The following RFTN1 variants were observed in gnomAD, a reference collection of about 807,000 sequenced individuals.
RFTN1 encodes the protein raftlin.
In RFTN1, 26 loss-of-function variants were observed where a neutral mutation model predicts 46.5. The ratio of observed to expected loss-of-function variants is 0.56; its 90% CI spans 0.41 to 0.78. The LOEUF is 0.78. Among genes scored for constraint, RFTN1 ranks in the 30% least tolerant of loss-of-function variants. The probability of loss-of-function intolerance (pLI) is 0.00; values close to 1 mark genes in which losing one functional copy is unlikely to be tolerated. For missense variants in RFTN1, 693 were observed against 718.7 expected (o/e 0.96, Z 0.41); for synonymous variants, 261 against 284.2 (o/e 0.92, Z 0.82).
rs1014367335 is a variant in RFTN1, at chr3:16,336,592, C to T, written c.1147-9716G>A. ...TTTTGCTGATATGTAATCAGGACAA[C>T]ATAATAGAGTCTGAGAGAGCAGTCT... On this transcript the variant is annotated intron_variant, in intron 7 of 9. Transcript: ENST00000334133. This position sits in a 1 kb window ranked among gnomAD's most constrained non-coding sequence, Gnocchi z 6.0. Among the ~76,000 whole-genome samples, 1 of 152,180 alleles carries T rather than the reference C, an allele frequency of 6.6e-6. No homozygotes were observed. The highest frequency in any genetic ancestry group is 6.5e-5 in the Admixed American group (1 of 15,284).
At chr3:16,445,466 T>TTCTC (rs374357758) in intron 2 of RFTN1, among the ~76,000 whole-genome samples, 3,119 of 116,026 alleles carry the variant, frequency 0.027, 61 homozygotes, top group Middle Eastern at 0.078. Flanking sequence ...CTTTCTCTCT[T>TTCTC]TCTCTCTCTC....
chr3:16,350,986 A>C (rs1210059175), intron 7 of RFTN1, among the ~76,000 whole-genome samples: 2 of 152,134 alleles, frequency 1.3e-5, no homozygotes, highest in Non-Finnish European at 2.9e-5. Flanking sequence ...GATGGTTGGG[A>C]GCCTTTGAAA....
chr3:16,360,456 T>C (rs777654995), intron 6 of RFTN1, among the ~76,000 whole-genome samples: 24 of 152,246 alleles, frequency 1.6e-4, no homozygotes, highest in Admixed American at 4.6e-4. Flanking sequence ...TCAACTTCTT[T>C]TTTATTTAGC....
Position 16,442,433 on chromosome 3 carries a change from A to G in RFTN1, c.146-8396T>C, listed in dbSNP as rs1288738102. On this transcript the variant is annotated intron_variant, in intron 2 of 9. Coordinates refer to ENST00000334133, the MANE Select transcript of RFTN1 (RefSeq NM_015150.2). This position sits in a 1 kb window ranked among gnomAD's most constrained non-coding sequence, Gnocchi z 4.1. Reference sequence around the variant, plus strand: ...TAACATGCTTTCACAAAAAAAAACTATTCTTTTTTTAAATTTTAATGGATT... The same window carrying G: ...TAACATGCTTTCACAAAAAAAAACTGTTCTTTTTTTAAATTTTAATGGATT... Among the ~76,000 whole-genome samples the G allele has an allele frequency of 6.6e-6, 1 of 152,088 alleles. No individual in the cohort carries two copies.
rs1211859282 is a variant in RFTN1, at chr3:16,338,155, C to T, written c.1147-11279G>A. ...CTGGTACATGCGGTTTCTCTAACGTCAGTTACTTGGAAGGCAGAAAGAAGA... is the reference window on the plus strand; with the variant it reads ...CTGGTACATGCGGTTTCTCTAACGTTAGTTACTTGGAAGGCAGAAAGAAGA... On this transcript the variant is annotated intron_variant, in intron 7 of 9. Transcript: ENST00000334133. This position sits in a 1 kb window ranked among gnomAD's most constrained non-coding sequence, Gnocchi z 5.3. Among the ~76,000 whole-genome samples the T allele has an allele frequency of 6.6e-6, 1 of 152,204 alleles. No homozygotes were observed. Among genetic ancestry groups the T allele is most frequent in the African/African-American group, 2.4e-5 (1 of 41,440 alleles).
intron 1 of RFTN1, among the ~76,000 whole-genome samples, chr3:16,495,275 C>T (rs1488974320): frequency 2.6e-5 from 4 of 152,234 alleles, no homozygotes; most frequent in Admixed American, 1.3e-4. Flanking sequence ...TGCTGAAAAG[C>T]AAGCCGGCTG....
At position 16,457,988 on chromosome 3, in the gene RFTN1, G is replaced by C. The variant is rs148753688; in HGVS notation, c.146-23951C>G. ...GAGGACACAGCATTCCACCCCTCTG[G>C]AGGATGCAAAAACAAGTCACTATCT... On this transcript the variant is annotated intron_variant, in intron 2 of 9. Transcript: ENST00000334133. The surrounding 1 kb of genome is among the most constrained non-coding windows in gnomAD (Gnocchi z 4.2). 1.1e-4 allele frequency among the ~76,000 whole-genome samples: 17 copies of C among 152,182 alleles called. No individual in the cohort carries two copies. The East Asian group carries it at 3.1e-3, about 28-fold the overall frequency.
chr3:16,453,367 T>A (rs971462821), intron 2 of RFTN1, among the ~76,000 whole-genome samples: 2 of 152,202 alleles, frequency 1.3e-5, no homozygotes, highest in African/African-American at 4.8e-5. Context: ...CACCCTCAGA[T>A]CCCAATCCTA....
chr3:16,446,835 T>C lies in RFTN1; in HGVS notation c.146-12798A>G, dbSNP rs1372366459. Among the ~76,000 whole-genome samples the C allele has an allele frequency of 6.6e-6, 1 of 152,196 alleles. No homozygotes were observed. Among genetic ancestry groups the C allele is most frequent in the Non-Finnish European group, 1.5e-5 (1 of 68,028 alleles). On this transcript the variant is annotated intron_variant, in intron 2 of 9. Transcript: ENST00000334133. The surrounding 1 kb of genome is among the most constrained non-coding windows in gnomAD (Gnocchi z 4.5). ...TTCTTTTTCTCCTGAGTTATTATCATCAAGGTCTCGACTCTGTAACAAAAT... is the reference window on the plus strand; with the variant it reads ...TTCTTTTTCTCCTGAGTTATTATCACCAAGGTCTCGACTCTGTAACAAAAT...
At position 16,433,993 on chromosome 3, in the gene RFTN1, C is replaced by T; in HGVS notation, c.190G>A (p.Asp64Asn). The T allele has an allele frequency of 2.5e-6, 4 of 1,612,734 alleles. No homozygotes were observed. The highest frequency in any genetic ancestry group is 3.4e-6 in the Non-Finnish European group (4 of 1,179,532). Residue 64 changes from aspartate (D) to asparagine (N), a missense_variant, in exon 3 of 10, where the codon GAC (aspartate) becomes AAC (asparagine). Physicochemically the swap from Asp to Asn is conservative, Grantham distance 23 (BLOSUM62 1). Transcript: ENST00000334133. The surrounding 1 kb of genome is among the most constrained non-coding windows in gnomAD (Gnocchi z 4.4). ...AGCTCCAGGAGCTGGGCGGGCAGGT[C>T]ACGCAGGGAGGCCAGCCTCACTGCT... ...SSAVRLASLR[D>N]LPAQLLELYQ...
At chr3:16,503,353 A>G (rs923032948) in intron 1 of RFTN1, among the ~76,000 whole-genome samples, 14 of 152,214 alleles carry the variant, frequency 9.2e-5, no homozygotes, top group African/African-American at 3.4e-4. Context: ...TTTGACTCAC[A>G]GTACAGTTTG....
Position 16,348,308 on chromosome 3 carries a change from T to C in RFTN1, c.1146+9624A>G, listed in dbSNP as rs898862186. ...CGTCTAGGAGATCACCCACATTATC[T>C]ATTATTGAAGGCATCTAGGAGATCA... is the stretch of plus-strand genomic sequence containing the variant. On this transcript the variant is annotated intron_variant, in intron 7 of 9. Transcript: ENST00000334133. This position sits in a 1 kb window ranked among gnomAD's most constrained non-coding sequence, Gnocchi z 6.3. Among the ~76,000 whole-genome samples, 1 of 152,022 alleles carries C rather than the reference T, an allele frequency of 6.6e-6. No homozygotes were observed. Among genetic ancestry groups the C allele is most frequent in the African/African-American group, 2.4e-5 (1 of 41,388 alleles).
rs952339410 is a variant in RFTN1 at position 16,338,251 on chromosome 3, C to T, written c.1147-11375G>A. Among the ~76,000 whole-genome samples, 3 of 152,222 alleles carry T rather than the reference C, an allele frequency of 2.0e-5. No individual in the cohort carries two copies. The highest frequency in any genetic ancestry group is 7.2e-5 in the African/African-American group (3 of 41,456). ...TATCAGGGGTGTCTGCCCACACACACCTGCATGAGCAGAATGAGAACCAGG... is the reference window on the plus strand; with the variant it reads ...TATCAGGGGTGTCTGCCCACACACATCTGCATGAGCAGAATGAGAACCAGG... On this transcript the variant is annotated intron_variant, in intron 7 of 9. Coordinates refer to ENST00000334133, the MANE Select transcript of RFTN1 (RefSeq NM_015150.2). This position sits in a 1 kb window ranked among gnomAD's most constrained non-coding sequence, Gnocchi z 5.3.
chr3:16,430,839 C>T (rs2075370634), intron 3 of RFTN1, among the ~76,000 whole-genome samples: 1 of 152,200 alleles, frequency 6.6e-6, no homozygotes, highest in African/African-American at 2.4e-5. Flanking sequence ...AACCCTCCTG[C>T]ATACAAAGTC....
chr3:16,493,524 T>C (rs1426004108), intron 2 of RFTN1, among the ~76,000 whole-genome samples: 1 of 152,166 alleles, frequency 6.6e-6, no homozygotes. Flanking sequence ...TGAACCACTG[T>C]GCCCAGACAC....
chr3:16,430,500 G>A (rs1005362689), intron 3 of RFTN1, among the ~76,000 whole-genome samples: 4 of 152,156 alleles, frequency 2.6e-5, no homozygotes, highest in Non-Finnish European at 5.9e-5. Flanking sequence ...TTTGCTAGGA[G>A]AGAAAATTCC....
rs2073950551 is a variant in RFTN1, at chr3:16,380,525, A to G, written c.442-2423T>C. Among the ~76,000 whole-genome samples the G allele has an allele frequency of 6.6e-6, 1 of 152,114 alleles. No individual in the cohort carries two copies. The highest frequency in any genetic ancestry group is 1.5e-5 in the Non-Finnish European group (1 of 68,022). On this transcript the variant is annotated intron_variant, in intron 4 of 9. Coordinates refer to ENST00000334133, the MANE Select transcript of RFTN1 (RefSeq NM_015150.2). This position sits in a 1 kb window ranked among gnomAD's most constrained non-coding sequence, Gnocchi z 4.8. ...CTCCCACAACAAACCAGACAACCAT[A>G]TTCCTTTGCCATCTTGTACTGCAAA...
At chr3:16,364,657 AAAAT>A (rs1034399443) in intron 6 of RFTN1, among the ~76,000 whole-genome samples, 298 of 152,320 alleles carry the variant, frequency 2.0e-3, no homozygotes, top group African/African-American at 6.7e-3. Flanking sequence ...TATATGGGGC[AAAAT>A]AAATAAATAA....
rs2076863338 is a variant in RFTN1 at position 16,509,461 on chromosome 3, A to T, written c.-9+3981T>A. Among the ~76,000 whole-genome samples the T allele has an allele frequency of 6.6e-6, 1 of 152,168 alleles. No homozygotes were observed. The highest frequency in any genetic ancestry group is 2.4e-5 in the African/African-American group (1 of 41,424). ...GGGCTGAAGTGAAGATAATATAAGT[A>T]CTCGCCTCTCATGAGGATTAAATTC... On this transcript the variant is annotated intron_variant, in intron 1 of 9. Coordinates refer to ENST00000334133, the MANE Select transcript of RFTN1 (RefSeq NM_015150.2). The surrounding 1 kb of genome is among the most constrained non-coding windows in gnomAD (Gnocchi z 4.9).
Sources: gnomAD v4.1 joint callset for allele counts (sites outside exome capture counted in the v4.1 genomes callset) on GRCh38, gnomAD v4.1.1 for gene constraint, Gnocchi (gnomAD v3.1) non-coding constraint, MANE v1.5 for transcripts, NCBI Gene and HGNC (gene_info 2026-07-23, HGNC 2026-07-21) for gene names.